The following ITPR2 variants were observed in gnomAD, a reference collection of about 807,000 sequenced individuals.
ITPR2 encodes inositol 1,4,5-trisphosphate-gated calcium channel ITPR2.
A neutral mutation model predicts 317.1 loss-of-function variants in ITPR2; 207 were observed. That is an observed-to-expected ratio of 0.65 (90% CI 0.58 to 0.73). The LOEUF (loss-of-function observed/expected upper bound fraction) is 0.73, where lower values mean the gene tolerates loss of function less well. Ranked by LOEUF, ITPR2 falls within the 30% of genes least tolerant of loss-of-function variation. The probability of loss-of-function intolerance (pLI) is 0.00; values close to 1 mark genes in which losing one functional copy is unlikely to be tolerated. For synonymous variants in ITPR2, 1,156 were observed against 1,149.1 expected (o/e 1.01, Z -0.12); for missense variants, 2,613 against 3,284.0 (o/e 0.80, Z 4.99).
intron 45 of ITPR2, among the ~76,000 whole-genome samples, chr12:26,471,568 G>A (rs574108092): frequency 4.2e-4 from 64 of 152,244 alleles, no homozygotes; most frequent in South Asian, 1.0e-3. Context: ...CTTACAAGAA[G>A]CATTATTTGT....
At chr12:26,523,669 A>T (rs180752148) in intron 37 of ITPR2, among the ~76,000 whole-genome samples, 1 of 152,324 alleles carries the variant, frequency 6.6e-6, no homozygotes, top group East Asian at 1.9e-4. Context: ...ATGATGATGT[A>T]TACATAATGC....
chr12:26,685,907 G>C (rs1404844699), intron 11 of ITPR2, among the ~76,000 whole-genome samples: 1 of 152,122 alleles, frequency 6.6e-6, no homozygotes, highest in Admixed American at 6.5e-5. Flanking sequence ...CTACCTAATA[G>C]AACTCTCCAT....
At chr12:26,771,870 A>AT (rs923752364) in intron 2 of ITPR2, among the ~76,000 whole-genome samples, 4 of 152,162 alleles carry the variant, frequency 2.6e-5, no homozygotes, top group African/African-American at 9.6e-5. Flanking sequence ...TATCTAATAT[A>AT]TGGGGACAAT....
intron 52 of ITPR2, among the ~76,000 whole-genome samples, chr12:26,405,804 A>G (rs1438566550): frequency 6.6e-6 from 1 of 152,162 alleles, no homozygotes; most frequent in Non-Finnish European, 1.5e-5. Context: ...CTAAAAATAC[A>G]AAAACTAGCC....
At chr12:26,427,138 A>G (rs1224418363) in intron 49 of ITPR2, among the ~76,000 whole-genome samples, 1 of 152,136 alleles carries the variant, frequency 6.6e-6, no homozygotes, top group African/African-American at 2.4e-5. Flanking sequence ...GTAGGACATT[A>G]TGTTAGAAAC....
At chr12:26,546,466 T>C (rs181447295) in intron 37 of ITPR2, among the ~76,000 whole-genome samples, 54 of 152,276 alleles carry the variant, frequency 3.5e-4, no homozygotes, top group African/African-American at 1.1e-3. Context: ...GTACCTGGCT[T>C]ATTTCCCTTA....
intron 45 of ITPR2, among the ~76,000 whole-genome samples, chr12:26,462,996 G>T (rs1278315965): frequency 6.6e-6 from 1 of 152,118 alleles, no homozygotes; most frequent in Non-Finnish European, 1.5e-5. Flanking sequence ...CTTCGTTTAT[G>T]TCTGAGCAGG....
chr12:26,348,704 T>C (rs1484253657), intron 55 of ITPR2, among the ~76,000 whole-genome samples: 3 of 152,122 alleles, frequency 2.0e-5, no homozygotes, highest in Admixed American at 6.5e-5. Context: ...ATTAAAACAC[T>C]AAGGCTAGGC....
At chr12:26,818,566 C>A (rs1419522442) in intron 1 of ITPR2, among the ~76,000 whole-genome samples, 1 of 152,166 alleles carries the variant, frequency 6.6e-6, no homozygotes, top group East Asian at 1.9e-4. Flanking sequence ...ATTAATATTC[C>A]TGCACATGGA....
At position 26,682,585 on chromosome 12, in the gene ITPR2, C is replaced by T; in HGVS notation, c.1237G>A (p.Val413Ile). 1 of 1,604,130 alleles carries T rather than the reference C, an allele frequency of 6.2e-7. No individual in the cohort carries two copies. Among genetic ancestry groups the T allele is most frequent in the East Asian group, 2.2e-5 (1 of 44,798 alleles). The change falls in exon 12 of 57, where the codon GTT (valine) becomes ATT (isoleucine). Residue 413 changes from valine (V) to isoleucine (I), a missense_variant. Physicochemically the swap from Val to Ile is conservative, Grantham distance 29 (BLOSUM62 3). This residue lies in a region of ITPR2 where 515 missense variants were observed against 789.4 expected (regional missense o/e 0.65). Transcript: ENST00000381340. ...IPIDTDEERP[V>I]MLKIGTCQTK... ...TCAGTGACATTTACCTTTAACATAA[C>T]AGGCCTCTCTTCATCTGTGTCTATG...
At chr12:26,368,231 A>G (rs1363787316) in intron 55 of ITPR2, among the ~76,000 whole-genome samples, 3 of 152,198 alleles carry the variant, frequency 2.0e-5, no homozygotes, top group African/African-American at 7.2e-5. Context: ...GAGTCTTTGG[A>G]TAGATTTAAT....
chr12:26,770,201 T>C (rs1949815186), intron 2 of ITPR2, among the ~76,000 whole-genome samples: 1 of 152,290 alleles, frequency 6.6e-6, no homozygotes. Flanking sequence ...AGGCAAAGGA[T>C]TGAATAAATA....
At chr12:26,476,099 T>C (rs565951675) in intron 44 of ITPR2, among the ~76,000 whole-genome samples, 2 of 152,364 alleles carry the variant, frequency 1.3e-5, no homozygotes, top group South Asian at 4.1e-4. Flanking sequence ...TGTTTGCAGA[T>C]AGACATTATG....
At chr12:26,619,892 T>TA (rs1226753649) in intron 26 of ITPR2, among the ~76,000 whole-genome samples, 3 of 152,158 alleles carry the variant, frequency 2.0e-5, no homozygotes, top group African/African-American at 7.2e-5. Flanking sequence ...ACCAGGATGA[T>TA]GTCCATTTGA....
chr12:26,794,028 T>C (rs1279917223), intron 1 of ITPR2, among the ~76,000 whole-genome samples: 3 of 152,186 alleles, frequency 2.0e-5, no homozygotes, highest in Non-Finnish European at 4.4e-5. Flanking sequence ...ATTTTTTTAC[T>C]AAAACTCATC....
intron 16 of ITPR2, 94 bp from the exon 17 acceptor site, chr12:26,658,224 C>T: frequency 1.2e-6 from 1 of 822,892 alleles, no homozygotes; most frequent in Non-Finnish European, 1.7e-6. Context: ...ATAAAATAAA[C>T]TTATTATATG....
At chr12:26,671,682 C>A (rs1947775869) in intron 13 of ITPR2, among the ~76,000 whole-genome samples, 1 of 151,916 alleles carries the variant, frequency 6.6e-6, no homozygotes, top group East Asian at 1.9e-4. Flanking sequence ...ATGACAGGAT[C>A]AAATTCACAC....
At chr12:26,703,648 T>A (rs1330797503) in intron 9 of ITPR2, among the ~76,000 whole-genome samples, 1 of 152,218 alleles carries the variant, frequency 6.6e-6, no homozygotes, top group East Asian at 1.9e-4. Context: ...TCATTCCTAA[T>A]ACTTTCATTA....
At chr12:26,619,892 T>C (rs11611622) in intron 26 of ITPR2, among the ~76,000 whole-genome samples, 16,957 of 152,240 alleles carry the variant, frequency 0.11, 1,121 homozygotes, top group Non-Finnish European at 0.15. Context: ...ACCAGGATGA[T>C]GTCCATTTGA....
Sources: gnomAD v4.1 joint callset for allele counts (sites outside exome capture counted in the v4.1 genomes callset) on GRCh38, gnomAD v4.1.1 for gene constraint, gnomAD v4.1.1 regional missense constraint, MANE v1.5 for transcripts, NCBI Gene and HGNC (gene_info 2026-07-23, HGNC 2026-07-21) for gene names.